Variants in LUZP1 observed in about 807,000 individuals in gnomAD.
LUZP1 encodes the protein leucine zipper protein 1.
In LUZP1, 25 loss-of-function variants were observed where a neutral mutation model predicts 71.3. The observed-to-expected ratio is 0.35, with a 90% CI of 0.26 to 0.49. The LOEUF is 0.49. Among genes scored for constraint, LUZP1 ranks in the 20% least tolerant of loss-of-function variants. The pLI is 0.99. For missense variants in LUZP1, 1,142 were observed against 1,300.8 expected (o/e 0.88, Z 1.88); for synonymous variants, 481 against 506.4 (o/e 0.95, Z 0.67).
In LUZP1 at chr1:23,156,159, T is replaced by C. The variant is rs148469555; in HGVS notation, c.-226+12607A>G. Reference sequence around the variant, plus strand: ...ACTTTGGGAGGCCAAGGCAGGTGAATCACTTGAGGTCGTAGTTCGAGACCA... The same window carrying C: ...ACTTTGGGAGGCCAAGGCAGGTGAACCACTTGAGGTCGTAGTTCGAGACCA... On this transcript the variant is annotated intron_variant, in intron 2 of 4. Coordinates refer to ENST00000302291, the Ensembl canonical transcript of LUZP1. Among the ~76,000 whole-genome samples the C allele has an allele frequency of 1.9e-4, 29 of 152,216 alleles. No individual in the cohort carries two copies. The East Asian group carries it at 4.8e-3, about 25-fold the overall frequency.
chr1:23,161,393 G>C (rs1644462998), intron 2 of LUZP1, among the ~76,000 whole-genome samples: 3 of 152,198 alleles, frequency 2.0e-5, no homozygotes, highest in Non-Finnish European at 2.9e-5. Context: ...GCCATGCAAA[G>C]AGCAGGGAAA....
intron 2 of LUZP1, among the ~76,000 whole-genome samples, chr1:23,117,477 C>CTCTCTCTCTCT (rs34248788): frequency 0.023 from 319 of 13,768 alleles, 5 homozygotes; most frequent in African/African-American, 0.069. Context: ...CTCTCTCTCT[C>CTCTCTCTCTCT]CCCCCCCCCC....
At position 23,094,090 on chromosome 1, in the gene LUZP1, T is replaced by C; in HGVS notation, c.172A>G (p.Asn58Asp). Residue 58 changes from asparagine to aspartate, a missense_variant, in exon 4 of 5, where the codon AAC becomes GAC. Transcript: ENST00000302291. This position sits in a 1 kb window ranked among gnomAD's most constrained non-coding sequence, Gnocchi z 4.7. ...TCAATCTCCGCCAACATGCTGGAGT[T>C]GCTACCTTCTGCCTGAATCACCTTG... is the stretch of plus-strand genomic sequence containing the variant. The C allele has an allele frequency of 6.2e-7, 1 of 1,614,200 alleles. No individual in the cohort carries two copies. The highest frequency in any genetic ancestry group is 8.5e-7 in the Non-Finnish European group (1 of 1,180,024).
intron 2 of LUZP1, among the ~76,000 whole-genome samples, chr1:23,141,573 G>A (rs1644303379): frequency 6.6e-6 from 1 of 152,172 alleles, no homozygotes; most frequent in Non-Finnish European, 1.5e-5. Context: ...AAGGTGGGTG[G>A]GCACAGCGGT....
intron 2 of LUZP1, among the ~76,000 whole-genome samples, chr1:23,132,161 C>A (rs914248194): frequency 1.3e-5 from 2 of 152,092 alleles, no homozygotes; most frequent in African/African-American, 2.4e-5. Context: ...TTTCTGACAC[C>A]CCCTCCAGTT....
At chr1:23,170,177 T>C (rs1428482567) in intron 1 of LUZP1, among the ~76,000 whole-genome samples, 1 of 152,102 alleles carries the variant, frequency 6.6e-6, no homozygotes, top group Admixed American at 6.5e-5. Context: ...CACTACAACT[T>C]ATAAAGAACT....
At chr1:23,111,199 C>CAAA (rs56805419) in intron 2 of LUZP1, among the ~76,000 whole-genome samples, 1 of 96,268 alleles carries the variant, frequency 1.0e-5, no homozygotes, top group Non-Finnish European at 2.1e-5. Flanking sequence ...GACGCTGTCT[C>CAAA]AAAAAAAAAA....
At chr1:23,091,510 C>T in exon 4 of LUZP1, 1 of 1,614,202 alleles carries the variant, frequency 6.2e-7, no homozygotes, top group Non-Finnish European at 8.5e-7. Flanking sequence ...CGCACAGTAA[C>T]ATGTCTGGCA....
At chr1:23,137,457 A>G (rs1644263646) in intron 2 of LUZP1, among the ~76,000 whole-genome samples, 1 of 152,122 alleles carries the variant, frequency 6.6e-6, no homozygotes, top group South Asian at 2.1e-4. Flanking sequence ...CCTGGCCAAC[A>G]TGTCGAAACC....
intron 2 of LUZP1, among the ~76,000 whole-genome samples, chr1:23,131,815 A>G (rs921666345): frequency 2.0e-5 from 3 of 152,238 alleles, no homozygotes; most frequent in Admixed American, 6.5e-5. Context: ...CCTCCCAAGT[A>G]GCTGGGATTA....
intron 2 of LUZP1, among the ~76,000 whole-genome samples, chr1:23,117,175 C>T (rs1454250293): frequency 1.3e-5 from 2 of 152,234 alleles, no homozygotes; most frequent in South Asian, 2.1e-4. Flanking sequence ...GCCTGCTGCC[C>T]TGGCAACATG....
At chr1:23,104,197 T>G (rs76703393) in intron 3 of LUZP1, among the ~76,000 whole-genome samples, 1 of 151,516 alleles carries the variant, frequency 6.6e-6, no homozygotes, top group African/African-American at 2.4e-5. Context: ...TTTTTTTTTT[T>G]GAGACGGAAT....
At chr1:23,164,955 A>T (rs1644498483) in intron 2 of LUZP1, among the ~76,000 whole-genome samples, 1 of 152,246 alleles carries the variant, frequency 6.6e-6, no homozygotes, top group African/African-American at 2.4e-5. Context: ...CAACTCCTTA[A>T]ATCTTTTGGT....
exon 5 of LUZP1, chr1:23,085,478 C>T (rs1410310351): frequency 6.6e-6 from 1 of 152,546 alleles, no homozygotes; most frequent in African/African-American, 2.4e-5. Flanking sequence ...AAAAGCAGCT[C>T]TTTCCAAAGC....
rs749424632 is a variant in LUZP1 at position 23,093,420 on chromosome 1, C to T, written c.842G>A (p.Arg281His). 1.1e-5 allele frequency: 17 copies of T among 1,613,452 alleles called. No individual in the cohort carries two copies. The highest frequency in any genetic ancestry group is 9.9e-5 in the South Asian group (9 of 90,886). Reference sequence around the variant, plus strand: ...TTTGACTTTGTTGTCTTCCTGATTGCGGTTCTTTTCATTTTCTGATTTGTT... The same window carrying T: ...TTTGACTTTGTTGTCTTCCTGATTGTGGTTCTTTTCATTTTCTGATTTGTT... Residue 281 changes from arginine (R) to histidine (H), a missense_variant, in exon 4 of 5, where the codon CGC (arginine) becomes CAC (histidine). By Grantham distance (29) the Arg-to-His change is conservative (BLOSUM62 0). Transcript: ENST00000302291. The surrounding 1 kb of genome is among the most constrained non-coding windows in gnomAD (Gnocchi z 4.2).
chr1:23,124,217 A>G (rs75020573), intron 2 of LUZP1, among the ~76,000 whole-genome samples: 39 of 152,356 alleles, frequency 2.6e-4, no homozygotes, highest in Non-Finnish European at 5.0e-4. Flanking sequence ...AAAGAATATC[A>G]GAGCTGGAAA....
intron 2 of LUZP1, 49 bp from the exon 2 acceptor site, chr1:23,109,176 T>C (rs2274687): frequency 0.17 from 25,713 of 152,180 alleles, 2,231 homozygotes; most frequent in East Asian, 0.26. Flanking sequence ...GCATGAATCA[T>C]ACCAAGACTG....
intron 2 of LUZP1, among the ~76,000 whole-genome samples, chr1:23,125,709 C>T (rs1341453784): frequency 6.6e-6 from 1 of 152,114 alleles, no homozygotes; most frequent in Non-Finnish European, 1.5e-5. Context: ...GTCTCATCGA[C>T]ACATCTTAAC....
At chr1:23,168,926 T>G (rs12754981) in exon 2 of LUZP1, 1 of 152,058 alleles carries the variant, frequency 6.6e-6, no homozygotes, top group South Asian at 2.1e-4. Context: ...GGCGGGGTTG[T>G]CTGTAGGCCC....
Sources: allele counts gnomAD v4.1 joint callset (sites outside exome capture counted in the v4.1 genomes callset), GRCh38; gene constraint gnomAD v4.1.1; non-coding constraint Gnocchi (gnomAD v3.1); transcripts MANE v1.5; gene names NCBI Gene and HGNC (gene_info 2026-07-23, HGNC 2026-07-21).